Variants in DLG2 observed in about 807,000 individuals in gnomAD.
DLG2 encodes the protein disks large homolog 2.
DLG2 carries 45 observed loss-of-function variants against 132.5 expected under a neutral mutation model. The ratio of observed to expected loss-of-function variants is 0.34; its 90% CI spans 0.27 to 0.44. The LOEUF is 0.44. Among genes scored for constraint, DLG2 ranks in the 20% least tolerant of loss-of-function variants. The probability of loss-of-function intolerance (pLI) is 1.00; values close to 1 mark genes in which losing one functional copy is unlikely to be tolerated. For missense variants in DLG2, 1,045 were observed against 1,196.9 expected (o/e 0.87, Z 1.87); for synonymous variants, 424 against 419.6 (o/e 1.01, Z -0.13).
chr11:85,325,222 C>A (rs1344738928), intron 3 of DLG2, among the ~76,000 whole-genome samples: 6 of 151,938 alleles, frequency 3.9e-5, no homozygotes, highest in Middle Eastern at 3.4e-3. Context: ...CCCAGGCTTG[C>A]TTAGGTAAAC....
chr11:84,394,588 G>A (rs1027109119), intron 7 of DLG2, among the ~76,000 whole-genome samples: 8 of 151,634 alleles, frequency 5.3e-5, no homozygotes, highest in Admixed American at 3.3e-4. Context: ...CTGTATTTGC[G>A]CATTTTATCA....
intron 4 of DLG2, among the ~76,000 whole-genome samples, chr11:85,173,139 A>G (rs2078994823): frequency 6.6e-6 from 1 of 152,130 alleles, no homozygotes; most frequent in Admixed American, 6.6e-5. Flanking sequence ...AAGATACCCA[A>G]CAAGAAGATA....
chr11:85,582,412 T>C (rs2078586164), intron 3 of DLG2, among the ~76,000 whole-genome samples: 1 of 151,884 alleles, frequency 6.6e-6, no homozygotes, highest in Non-Finnish European at 1.5e-5. Context: ...GCTAAGATGC[T>C]GTGGAGGAAG....
intron 7 of DLG2, among the ~76,000 whole-genome samples, chr11:84,426,065 A>G (rs1413838326): frequency 6.6e-6 from 1 of 152,150 alleles, no homozygotes; most frequent in African/African-American, 2.4e-5. Flanking sequence ...CCACCACTCA[A>G]AAATATGAAT....
At chr11:85,229,378 C>G (rs577317327) in intron 4 of DLG2, among the ~76,000 whole-genome samples, 4 of 152,100 alleles carry the variant, frequency 2.6e-5, no homozygotes, top group Admixed American at 2.6e-4. Flanking sequence ...GGCCAACAAA[C>G]ATATGAAAAA....
Position 85,343,665 on chromosome 11 carries a change from T to TAC in DLG2, c.41-58302_41-58301dup, listed in dbSNP as rs756096356. Among the ~76,000 whole-genome samples the TAC allele has an allele frequency of 1.3e-4, 20 of 151,442 alleles. No individual in the cohort carries two copies. In the East Asian group the frequency reaches 1.8e-3, roughly 13 times the overall value. On this transcript the variant is annotated intron_variant, in intron 3 of 27. Transcript: ENST00000376104. ...ACACACGCGCGTACACGCACATACATACACACACACACACATATACACACT... is the reference window on the plus strand; with the variant it reads ...ACACACGCGCGTACACGCACATACATACACACACACACACACATATACACACT...
chr11:83,972,251 G>A (rs1311707627), intron 12 of DLG2, among the ~76,000 whole-genome samples: 4 of 152,006 alleles, frequency 2.6e-5, no homozygotes, highest in Non-Finnish European at 5.9e-5. Context: ...TTAATTCCTA[G>A]TTTCACGAAT....
chr11:84,488,598 G>A (rs969907005), intron 7 of DLG2, among the ~76,000 whole-genome samples: 2 of 152,014 alleles, frequency 1.3e-5, no homozygotes, highest in African/African-American at 4.8e-5. Flanking sequence ...CCATAGTTAA[G>A]GACACTTGCA....
At chr11:84,497,065 C>A (rs1156968632) in intron 7 of DLG2, among the ~76,000 whole-genome samples, 6 of 152,132 alleles carry the variant, frequency 3.9e-5, no homozygotes. Context: ...CTGACTCCCA[C>A]TGGCCTCACT....
chr11:84,182,886 T>C (rs1024941214), intron 8 of DLG2, among the ~76,000 whole-genome samples: 1 of 152,060 alleles, frequency 6.6e-6, no homozygotes. Context: ...AAATTGCTAA[T>C]ATTAGAAAAG....
intron 3 of DLG2, among the ~76,000 whole-genome samples, chr11:85,333,228 T>C (rs1198905202): frequency 6.6e-6 from 1 of 152,166 alleles, no homozygotes; most frequent in African/African-American, 2.4e-5. Flanking sequence ...GTGTTCTTGA[T>C]TGGCTCTCAG....
At position 84,377,226 on chromosome 11, in the gene DLG2, T is replaced by C. The variant is rs527909703; in HGVS notation, c.520-125935A>G. 7.4e-4 allele frequency among the ~76,000 whole-genome samples: 112 copies of C among 152,168 alleles called. No individual in the cohort carries two copies. The Middle Eastern group carries it at 0.01, about 14-fold the overall frequency. On this transcript the variant is annotated intron_variant, in intron 7 of 27. Transcript: ENST00000376104. ...AAATATGAAGAATAGAAAAACATTT[T>C]ATACACCAAAAGAAAACAATTCTAT... is the stretch of plus-strand genomic sequence containing the variant.
intron 11 of DLG2, among the ~76,000 whole-genome samples, chr11:84,044,386 C>T (rs1376395393): frequency 6.6e-6 from 1 of 151,752 alleles, no homozygotes; most frequent in Non-Finnish European, 1.5e-5. Context: ...ATTCTATTTG[C>T]TCTGATATAA....
At chr11:84,319,892 T>C (rs1018578072) in intron 7 of DLG2, among the ~76,000 whole-genome samples, 1 of 152,230 alleles carries the variant, frequency 6.6e-6, no homozygotes, top group African/African-American at 2.4e-5. Context: ...AGTAATTCCA[T>C]ACTCCTATCT....
At chr11:85,410,398 G>A (rs1448402386) in intron 3 of DLG2, among the ~76,000 whole-genome samples, 3 of 151,684 alleles carry the variant, frequency 2.0e-5, no homozygotes, top group Admixed American at 2.0e-4. Context: ...TAGCCCATAA[G>A]CCACTTTTGA....
chr11:85,111,602 T>A, intron 6 of DLG2, 59 bp downstream of exon 6: 1 of 1,398,550 alleles, frequency 7.2e-7, no homozygotes, highest in Middle Eastern at 1.8e-4. Context: ...ACTAAGATTA[T>A]TCCAAAATAT....
At chr11:83,755,371 G>A (rs1354627623) in intron 18 of DLG2, among the ~76,000 whole-genome samples, 1 of 150,676 alleles carries the variant, frequency 6.6e-6, no homozygotes, top group Non-Finnish European at 1.5e-5. Context: ...ACAAGCAAAC[G>A]GCAAAAACTA....
intron 4 of DLG2, among the ~76,000 whole-genome samples, chr11:85,168,591 T>C (rs1289226919): frequency 6.6e-6 from 1 of 152,042 alleles, no homozygotes; most frequent in Non-Finnish European, 1.5e-5. Flanking sequence ...TGAGAAATGA[T>C]AGGGAAGAGT....
At chr11:84,572,723 A>G (rs1411743063) in intron 6 of DLG2, among the ~76,000 whole-genome samples, 2 of 152,164 alleles carry the variant, frequency 1.3e-5, no homozygotes, top group African/African-American at 2.4e-5. Context: ...TGTAGTAAGC[A>G]ACCTTGAGGA....
Sources: allele counts gnomAD v4.1 joint callset (sites outside exome capture counted in the v4.1 genomes callset), GRCh38; gene constraint gnomAD v4.1.1; transcripts MANE v1.5; gene names NCBI Gene and HGNC (gene_info 2026-07-23, HGNC 2026-07-21).